ATRAID: variants seen among roughly 807,000 people sequenced by gnomAD.
The protein encoded by ATRAID is all-trans retinoic acid induced differentiation factor.
ATRAID carries 26 observed loss-of-function variants against 28.8 expected under a neutral mutation model. That is an observed-to-expected ratio of 0.90 (90% CI 0.66 to 1.25). ATRAID has a LOEUF of 1.25. ATRAID is among the 50% of genes most tolerant of loss of function. ATRAID has a pLI of 0.00. For missense variants in ATRAID, 308 were observed against 285.9 expected, an observed-to-expected ratio of 1.08 and a Z score of -0.56; for synonymous variants, 131 against 108.5, an observed-to-expected ratio of 1.21 and a Z score of -1.29.
Position 27,217,076 on chromosome 2 carries a change from A to G in ATRAID, c.*128A>G, listed in dbSNP as rs1464346813. ...TCAAGGTTGAGGCCGCCATTGGAAG[A>G]TGAAAAATTGCACTCCCTTGGTGTA... On this transcript the variant is annotated 3_prime_UTR_variant, in exon 7 of 7. Coordinates refer to ENST00000380171, the MANE Select transcript of ATRAID (RefSeq NM_001170795.4). The G allele has an allele frequency of 2.7e-6, 2 of 747,364 alleles. No individual in the cohort carries two copies. Among genetic ancestry groups the G allele is most frequent in the African/African-American group, 1.8e-5 (1 of 56,842 alleles). 46.3% of individuals were successfully genotyped at this position (747,364 alleles called of 1,614,324 possible). A position where few individuals can be genotyped will look rare whatever the true frequency, so the allele number is the denominator to read the frequency against.
intron 6 of ATRAID, 94 bp from the exon 7 acceptor site, chr2:27,216,750 C>A (rs1674856403): frequency 7.0e-7 from 1 of 1,424,826 alleles, no homozygotes; most frequent in African/African-American, 1.4e-5. Context: ...TTGCCCTAGA[C>A]AAAGTGATAG....
chr2:27,214,857 GA>G (rs1056123439), intron 2 of ATRAID, among the ~76,000 whole-genome samples: 2 of 152,216 alleles, frequency 1.3e-5, no homozygotes, highest in African/African-American at 4.8e-5. Flanking sequence ...CTCAAAAAAG[GA>G]AAATGTTCCG....
In ATRAID at chr2:27,216,423, C is replaced by T. The variant is rs538252424; in HGVS notation, c.488-100C>T. 97 of 978,022 alleles carry T rather than the reference C, an allele frequency of 9.9e-5. No homozygotes were observed. The Middle Eastern group carries it at 1.7e-3, about 17-fold the overall frequency. The allele number at this position is 978,022 out of a possible 1,614,324, so 60.6% of individuals were successfully genotyped here. On this transcript the variant is annotated intron_variant, in intron 5 of 6. Transcript: ENST00000380171. ...GTAATTTTCTTTCTTCTTCCTTTAT[C>T]CTAGCAATGATTGAGAGAATCTAAG...
chr2:27,215,212 CTG>C, intron 2 of ATRAID, 107 bp from the exon 3 acceptor site: 1 of 1,081,210 alleles, frequency 9.2e-7, no homozygotes, highest in Non-Finnish European at 1.4e-6. Context: ...CTGAACACAG[CTG>C]TGTTCAATTA....
In ATRAID at chr2:27,216,522, G is replaced by A; in HGVS notation, c.488-1G>A. The A allele has an allele frequency of 6.2e-7, 1 of 1,611,544 alleles. No homozygotes were observed. Among genetic ancestry groups the A allele is most frequent in the South Asian group, 1.1e-5 (1 of 91,040 alleles). ...GTTCTCTATTTCTCTCTGGCCTCCA[G>A]AAATGTGTCCTGAGAATGGATCTTG... On this transcript the variant is annotated splice_acceptor_variant, in intron 5 of 6. Transcript: ENST00000380171. LOFTEE classifies it high-confidence loss of function.
At chr2:27,216,111 C>G (rs1289137973) in intron 5 of ATRAID, among the ~76,000 whole-genome samples, 1 of 152,160 alleles carries the variant, frequency 6.6e-6, no homozygotes, top group Admixed American at 6.5e-5. Flanking sequence ...ATGGATCTTA[C>G]AAAGTACATT....
At chr2:27,213,400 G>A (rs1447459372) in intron 2 of ATRAID, 102 bp downstream of exon 2, 1 of 1,422,754 alleles carries the variant, frequency 7.0e-7, no homozygotes. Flanking sequence ...TATGGTTTCA[G>A]CTGTAATCAT....
rs201763328 is a variant in ATRAID, at chr2:27,212,397, C to G, written c.29C>G (p.Thr10Arg). 1.9e-5 allele frequency: 29 copies of G among 1,551,356 alleles called. No homozygotes were observed. The East Asian group carries it at 6.3e-4, about 34-fold the overall frequency. MAPHDPGSL[T>R]TLVPWAAALL... ...GCGCCTCACGACCCGGGTAGTCTTA[C>G]GACCCTGGTGCCCTGGGCTGCCGCC... The change falls in exon 1 of 7, where the codon ACG becomes AGG. Residue 10 changes from threonine to arginine, a missense_variant. Coordinates refer to ENST00000380171, the MANE Select transcript of ATRAID (RefSeq NM_001170795.4).
In ATRAID at chr2:27,212,255, A is replaced by G. The variant is rs780860853; in HGVS notation, c.-114A>G. The G allele has an allele frequency of 1.9e-6, 3 of 1,559,816 alleles. No individual in the cohort carries two copies. In the African/African-American group the frequency reaches 4.1e-5, roughly 21 times the overall value. On this transcript the variant is annotated 5_prime_UTR_variant, in exon 1 of 7. Transcript: ENST00000380171. ...GCAGGAAAAGCCCCCAAGCAGCCCC[A>G]GGGCGACTGGACCGGGCCGCTTAGG...
chr2:27,214,833 C>G (rs1674760954), intron 2 of ATRAID, among the ~76,000 whole-genome samples: 1 of 152,220 alleles, frequency 6.6e-6, no homozygotes, highest in Non-Finnish European at 1.5e-5. Context: ...GCTTGGGCAA[C>G]AGAGTAAGAC....
rs774303259 is a variant in ATRAID, at chr2:27,212,373, C to T, written c.5C>T (p.Ala2Val). Residue 2 changes from alanine (A) to valine (V), a missense_variant, in exon 1 of 7, where the codon GCG becomes GTG. Transcript: ENST00000380171. M[A>V]PHDPGSLTTL... Reference sequence around the variant, plus strand: ...GGAGCACCAAGGGAACGGAAAATGGCGCCTCACGACCCGGGTAGTCTTACG... The same window carrying T: ...GGAGCACCAAGGGAACGGAAAATGGTGCCTCACGACCCGGGTAGTCTTACG... 3 of 1,550,396 alleles carry T rather than the reference C, an allele frequency of 1.9e-6. No homozygotes were observed. The highest frequency in any genetic ancestry group is 2.4e-5 in the East Asian group (1 of 40,978).
At chr2:27,216,465 A>G (rs1046476456) in intron 5 of ATRAID, 58 bp from the exon 6 acceptor site, 2 of 1,301,660 alleles carry the variant, frequency 1.5e-6, no homozygotes, top group African/African-American at 2.9e-5. Flanking sequence ...CAGATAATTG[A>G]GAAATATGCC....
At position 27,212,212 on chromosome 2, in the gene ATRAID, C is replaced by G. The variant is rs1674590486; in HGVS notation, c.-157C>G. On this transcript the variant is annotated 5_prime_UTR_variant, in exon 1 of 7. Coordinates refer to ENST00000380171, the MANE Select transcript of ATRAID (RefSeq NM_001170795.4). ...AAAGAGGGCTAGGGCGCATGAAGAC[C>G]AGCGCAGAGCTCCACGAGCAGGAAA... The G allele has an allele frequency of 1.3e-6, 2 of 1,557,176 alleles. No individual in the cohort carries two copies. Among genetic ancestry groups the G allele is most frequent in the Non-Finnish European group, 8.7e-7 (1 of 1,150,986 alleles).
In ATRAID at chr2:27,216,935, C is replaced by G. The variant is rs758297688; in HGVS notation, c.677C>G (p.Ala226Gly). The change falls in exon 7 of 7, where the codon GCC becomes GGC. Residue 226 changes from alanine (A) to glycine (G), a missense_variant. Transcript: ENST00000380171. ...CTTTGGGCGACCCAGCGCCGAAAAG[C>G]CAAGACTTCATGAACTACATAGGTC... is the stretch of plus-strand genomic sequence containing the variant. The part of the protein sequence containing the change: ...ILLWATQRRK[A>G]KTS 9 of 1,612,476 alleles carry G rather than the reference C, an allele frequency of 5.6e-6. No homozygotes were observed. Among genetic ancestry groups the G allele is most frequent in the Non-Finnish European group, 7.6e-6 (9 of 1,178,690 alleles).
chr2:27,213,024 T>A (rs918231801), intron 1 of ATRAID, 153 bp from the exon 2 acceptor site: 16 of 923,396 alleles, frequency 1.7e-5, no homozygotes, highest in Non-Finnish European at 2.4e-5. Flanking sequence ...TAGCCTAGCC[T>A]GTTACAAGGG....
rs1257450688 is a variant in ATRAID at position 27,212,097 on chromosome 2, G to A, written c.-272G>A. 2.1e-6 allele frequency: 3 copies of A among 1,426,742 alleles called. No homozygotes were observed. The highest frequency in any genetic ancestry group is 2.8e-5 in the East Asian group (1 of 36,300). 88.4% of individuals were successfully genotyped at this position (1,426,742 alleles called of 1,614,324 possible). ...GGACGCGGGGAACACCGGGCTGAGGGAGTCTGCAGTCGGCTCCGGGAAGCC... is the reference window on the plus strand; with the variant it reads ...GGACGCGGGGAACACCGGGCTGAGGAAGTCTGCAGTCGGCTCCGGGAAGCC... On this transcript the variant is annotated 5_prime_UTR_variant, in exon 1 of 7. Coordinates refer to ENST00000380171, the MANE Select transcript of ATRAID (RefSeq NM_001170795.4).
chr2:27,213,168 C>T lies in ATRAID; in HGVS notation c.100-9C>T, dbSNP rs778473964. 1.6e-5 allele frequency: 25 copies of T among 1,611,116 alleles called. No individual in the cohort carries two copies. Among genetic ancestry groups the T allele is most frequent in the South Asian group, 8.8e-5 (8 of 90,698 alleles). On this transcript the variant is annotated splice_polypyrimidine_tract_variant and intron_variant, in intron 1 of 6. Coordinates refer to ENST00000380171, the MANE Select transcript of ATRAID (RefSeq NM_001170795.4). ...TTCTGGAGTTCTAATGTTTCTTTCT[C>T]TTCTGCAGATATGCACCCAATGTCC...
intron 2 of ATRAID, among the ~76,000 whole-genome samples, chr2:27,214,129 C>T (rs1471993794): frequency 6.6e-6 from 1 of 152,032 alleles, no homozygotes; most frequent in Non-Finnish European, 1.5e-5. Flanking sequence ...CCTGTGGTTT[C>T]TTTTATATTG....
intron 2 of ATRAID, among the ~76,000 whole-genome samples, chr2:27,213,904 TTACTAC>T (rs1368392829): frequency 6.6e-6 from 1 of 152,228 alleles, no homozygotes; most frequent in African/African-American, 2.4e-5. Flanking sequence ...TTGTGAATAT[TTACTAC>T]TACTAAGTTC....
Sources: gnomAD v4.1 joint callset for allele counts (sites outside exome capture counted in the v4.1 genomes callset) on GRCh38, gnomAD v4.1.1 for gene constraint, MANE v1.5 for transcripts, NCBI Gene and HGNC (gene_info 2026-07-23, HGNC 2026-07-21) for gene names.